BTNL9: variants seen among roughly 807,000 people sequenced by gnomAD.
BTNL9 encodes the protein butyrophilin-like protein 9.
Under a neutral mutation model 45.8 loss-of-function variants are expected in BTNL9, and 45 were observed. That is an observed-to-expected ratio of 0.98 (90% confidence interval 0.77 to 1.26). The LOEUF (loss-of-function observed/expected upper bound fraction) is 1.26, where lower values mean the gene tolerates loss of function less well. Among genes scored for constraint, BTNL9 ranks in the 50% most tolerant of loss-of-function variants. The pLI, the probability that BTNL9 is intolerant of heterozygous loss-of-function variation, is 0.00. For synonymous variants in BTNL9, 346 were observed against 330.8 expected, an observed-to-expected ratio of 1.05 and a Z score of -0.50; for missense variants, 784 against 729.7, an observed-to-expected ratio of 1.07 and a Z score of -0.86.
In BTNL9 at chr5:181,042,908, G is replaced by T. The variant is rs4379157; in HGVS notation, c.-24+2476G>T. 0.54 allele frequency among the ~76,000 whole-genome samples: 82,077 copies of T among 151,610 alleles called. 22,701 individuals are homozygous for T. Among genetic ancestry groups the T allele is most frequent in the African/African-American group, 0.62 (25,805 of 41,288 alleles). The stretch of plus-strand genomic sequence containing the variant: ...CATGGTTTTGGGTAACAGGAGTGAC[G>T]GAAGGGTGTACCCAGACACACGACG... On this transcript the variant is annotated intron_variant, in intron 1 of 10. Transcript: ENST00000327705. This position sits in a 1 kb window ranked among gnomAD's most constrained non-coding sequence, Gnocchi z 4.5.
At chr5:181,043,736 G>A (rs910533237) in intron 1 of BTNL9, among the ~76,000 whole-genome samples, 3 of 152,212 alleles carry the variant, frequency 2.0e-5, no homozygotes, top group African/African-American at 7.2e-5. Flanking sequence ...AAGTATAAAG[G>A]AAAAGAGAAG....
chr5:181,059,179 A>T, intron 10 of BTNL9, 58 bp from the exon 11 acceptor site: 1 of 1,422,798 alleles, frequency 7.0e-7, no homozygotes, highest in South Asian at 1.5e-5. Flanking sequence ...GCCTTGGGGA[A>T]GACACGGACG....
In BTNL9 at chr5:181,045,594, CT is replaced by C; in HGVS notation, c.106del (p.Ser36GlnfsTer6). 1 of 1,610,224 alleles carries C rather than the reference CT, an allele frequency of 6.2e-7. No individual in the cohort carries two copies. The highest frequency in any genetic ancestry group is 8.5e-7 in the Non-Finnish European group (1 of 1,177,432). On this transcript the variant is annotated frameshift_variant, in exon 2 of 11. Coordinates refer to ENST00000327705, the MANE Select transcript of BTNL9 (RefSeq NM_152547.5). LOFTEE classifies it high-confidence loss of function. ...LLLLQPGEPSSEVKVLGPEYP... is the reference protein window; with the variant it reads ...LLLLQPGEPSXEVKVLGPEYP... ...TCCTCCTTCAGCCTGGGGAGCCGAG[CT>C]CAGGTATTGTGTCTGCAGCCTAGCT...
At chr5:181,057,201 T>G (rs1761929595) in intron 9 of BTNL9, 1 of 152,252 alleles carries the variant, frequency 6.6e-6, no homozygotes, top group African/African-American at 2.4e-5. Context: ...TTTTGAAGTT[T>G]TGTTGAAGAC....
chr5:181,055,288 G>C lies in BTNL9; in HGVS notation c.908-145G>C. ...GCCTCTTTTTGAGGGCAATGAAGGG[G>C]CAAAGAGGAAGCTGTAAAAAAAAAA... On this transcript the variant is annotated intron_variant, in intron 7 of 10. Transcript: ENST00000327705. The surrounding 1 kb of genome is among the most constrained non-coding windows in gnomAD (Gnocchi z 4.4). The C allele has an allele frequency of 9.7e-6, 15 of 1,539,330 alleles. No homozygotes were observed. The highest frequency in any genetic ancestry group is 1.3e-5 in the Non-Finnish European group (15 of 1,148,170).
chr5:181,046,839 C>G (rs769197878), intron 2 of BTNL9, among the ~76,000 whole-genome samples: 1 of 152,092 alleles, frequency 6.6e-6, no homozygotes, highest in Admixed American at 6.5e-5. Flanking sequence ...ACAGGATGCA[C>G]GTTCCCCAGG....
Position 181,055,175 on chromosome 5 carries a change from G to C in BTNL9, c.908-258G>C. ...CCCAACCCTGGGAAGAGGCCTGTCAGTACTAAGATCTGGTATCCCTTCTAG... is the reference window on the plus strand; with the variant it reads ...CCCAACCCTGGGAAGAGGCCTGTCACTACTAAGATCTGGTATCCCTTCTAG... On this transcript the variant is annotated intron_variant, in intron 7 of 10. Transcript: ENST00000327705. This position sits in a 1 kb window ranked among gnomAD's most constrained non-coding sequence, Gnocchi z 4.4. 1 of 1,331,918 alleles carries C rather than the reference G, an allele frequency of 7.5e-7. No individual in the cohort carries two copies. The highest frequency in any genetic ancestry group is 9.6e-7 in the Non-Finnish European group (1 of 1,040,268). 82.5% of individuals were successfully genotyped at this position (1,331,918 alleles called of 1,614,324 possible). A position where few individuals can be genotyped will look rare whatever the true frequency, so the allele number is the denominator to read the frequency against.
chr5:181,056,597 A>G (rs1186383939), intron 9 of BTNL9: 2 of 716,930 alleles, frequency 2.8e-6, no homozygotes, highest in Non-Finnish European at 5.2e-6. Flanking sequence ...CTCTAACTCC[A>G]CAACAACACT....
At chr5:181,047,777 G>T (rs1761261025) in intron 2 of BTNL9, 150 bp from the exon 3 acceptor site, 1 of 788,664 alleles carries the variant, frequency 1.3e-6, no homozygotes, top group East Asian at 2.7e-5. Context: ...AAAATTACTT[G>T]TTCAAGGATC....
In BTNL9 at chr5:181,059,888, C is replaced by T. The variant is rs762644204; in HGVS notation, c.*26C>T. 5.2e-5 allele frequency: 75 copies of T among 1,444,172 alleles called. No individual in the cohort carries two copies. Among genetic ancestry groups the T allele is most frequent in the Non-Finnish European group, 6.5e-5 (72 of 1,103,736 alleles). 89.5% of individuals were successfully genotyped at this position (1,444,172 alleles called of 1,614,324 possible). A position where few individuals can be genotyped will look rare whatever the true frequency, so the allele number is the denominator to read the frequency against. On this transcript the variant is annotated 3_prime_UTR_variant, in exon 11 of 11. Transcript: ENST00000327705. ...GGCGCCCTCGTGGCCGCGGGACTGG[C>T]CCCGGGGGGCCCCCTGGATCCCAGG...
In BTNL9 at chr5:181,055,831, TTC is replaced by T; in HGVS notation, c.929-155_929-154del. ...TGCATCTGATTCCCCATATATCTTC[TTC>T]TCATCTCCCAACCAGGTATGATGCC... is the stretch of plus-strand genomic sequence containing the variant. On this transcript the variant is annotated intron_variant, in intron 8 of 10. Coordinates refer to ENST00000327705, the MANE Select transcript of BTNL9 (RefSeq NM_152547.5). The surrounding 1 kb of genome is among the most constrained non-coding windows in gnomAD (Gnocchi z 4.4). 1 of 828,768 alleles carries T rather than the reference TTC, an allele frequency of 1.2e-6. No individual in the cohort carries two copies. Among genetic ancestry groups the T allele is most frequent in the Non-Finnish European group, 2.1e-6 (1 of 467,814 alleles). The allele number at this position is 828,768 out of a possible 1,614,324, so 51.3% of individuals were successfully genotyped here.
intron 4 of BTNL9, among the ~76,000 whole-genome samples, chr5:181,052,272 T>C (rs565436488): frequency 2.2e-4 from 33 of 151,548 alleles, no homozygotes; most frequent in Non-Finnish European, 3.4e-4. Flanking sequence ...CCTAGAGGAG[T>C]CAAGTCCACA....
rs1429190985 is a variant in BTNL9 at position 181,053,047 on chromosome 5, G to A, written c.737-153G>A. ...CGCGCCCCCGCCCCCTCCGCCGCGC[G>A]CGCTCCCGCTCCACGCCCGTTTCCC... is the stretch of plus-strand genomic sequence containing the variant. On this transcript the variant is annotated intron_variant, in intron 4 of 10. Transcript: ENST00000327705. The surrounding 1 kb of genome is among the most constrained non-coding windows in gnomAD (Gnocchi z 6.5). The A allele has an allele frequency of 5.7e-6, 2 of 352,378 alleles. No homozygotes were observed. Among genetic ancestry groups the A allele is most frequent in the Non-Finnish European group, 9.2e-6 (2 of 217,542 alleles). The allele number at this position is 352,378 out of a possible 1,614,324, so 21.8% of individuals were successfully genotyped here.
At position 181,053,715 on chromosome 5, in the gene BTNL9, C is replaced by CTAGT; in HGVS notation, c.886+215_886+218dup. ...GGAACGGCTGCATTTTCCACGGAGGCTAGTGCACAGATGTCAGGGTTGACC... is the reference window on the plus strand; with the variant it reads ...GGAACGGCTGCATTTTCCACGGAGGCTAGTTAGTGCACAGATGTCAGGGTTGACC... On this transcript the variant is annotated intron_variant, in intron 6 of 10. Coordinates refer to ENST00000327705, the MANE Select transcript of BTNL9 (RefSeq NM_152547.5). The surrounding 1 kb of genome is among the most constrained non-coding windows in gnomAD (Gnocchi z 6.5). The CTAGT allele has an allele frequency of 6.6e-7, 1 of 1,513,738 alleles. No homozygotes were observed. The allele number at this position is 1,513,738 out of a possible 1,614,324, so 93.8% of individuals were successfully genotyped here.
chr5:181,053,577 C>G lies in BTNL9; in HGVS notation c.886+76C>G. 1 of 1,551,240 alleles carries G rather than the reference C, an allele frequency of 6.4e-7. No homozygotes were observed. On this transcript the variant is annotated intron_variant, in intron 6 of 10. Coordinates refer to ENST00000327705, the MANE Select transcript of BTNL9 (RefSeq NM_152547.5). The surrounding 1 kb of genome is among the most constrained non-coding windows in gnomAD (Gnocchi z 6.5). ...GCCGTCATCTAAAGGCTGTGGGTCC[C>G]GTTACGAGGGTTTATTCCAGCGCGA...
chr5:181,058,558 A>T (rs1378794507), intron 10 of BTNL9, among the ~76,000 whole-genome samples, 180 bp downstream of exon 10: 2 of 152,162 alleles, frequency 1.3e-5, no homozygotes, highest in African/African-American at 4.8e-5. Flanking sequence ...CTGCATGTGT[A>T]TGCACACACA....
At chr5:181,048,619 TC>T (rs796103052) in intron 3 of BTNL9, among the ~76,000 whole-genome samples, 7 of 150,960 alleles carry the variant, frequency 4.6e-5, no homozygotes, top group African/African-American at 1.7e-4. Flanking sequence ...GTGCCTGTAG[TC>T]CCAGCTACTC....
chr5:181,042,291 G>C lies in BTNL9; in HGVS notation c.-24+1859G>C, dbSNP rs188464700. Among the ~76,000 whole-genome samples, 1 of 152,336 alleles carries C rather than the reference G, an allele frequency of 6.6e-6. No individual in the cohort carries two copies. The highest frequency in any genetic ancestry group is 1.5e-5 in the Non-Finnish European group (1 of 68,026). Reference sequence around the variant, plus strand: ...TCAGCTCCAGCTGGAGGACCCCTTTGTGGTCCTTGCGCACACTGGGTTTTC... The same window carrying C: ...TCAGCTCCAGCTGGAGGACCCCTTTCTGGTCCTTGCGCACACTGGGTTTTC... On this transcript the variant is annotated intron_variant, in intron 1 of 10. Transcript: ENST00000327705. The surrounding 1 kb of genome is among the most constrained non-coding windows in gnomAD (Gnocchi z 4.5).
Position 181,050,753 on chromosome 5 carries a change from A to G in BTNL9, c.736+384A>G, listed in dbSNP as rs1355041246. Among the ~76,000 whole-genome samples the G allele has an allele frequency of 1.3e-5, 2 of 152,210 alleles. No homozygotes were observed. The highest frequency in any genetic ancestry group is 2.9e-5 in the Non-Finnish European group (2 of 68,030). ...GTCCCCATGCCAGTGGGGGATACAG[A>G]CAATAAGCAAAAGAAGTGCATCCTG... On this transcript the variant is annotated intron_variant, in intron 4 of 10. Transcript: ENST00000327705. The surrounding 1 kb of genome is among the most constrained non-coding windows in gnomAD (Gnocchi z 4.9).
Sources: gnomAD v4.1 joint callset for allele counts (sites outside exome capture counted in the v4.1 genomes callset) on GRCh38, gnomAD v4.1.1 for gene constraint, Gnocchi (gnomAD v3.1) non-coding constraint, MANE v1.5 for transcripts, NCBI Gene and HGNC (gene_info 2026-07-23, HGNC 2026-07-21) for gene names.